The following DAB1 variants were observed in gnomAD, a reference collection of about 807,000 sequenced individuals.
The protein encoded by DAB1 is disabled homolog 1.
Under a neutral mutation model 64.6 loss-of-function variants are expected in DAB1, and 15 were observed. The observed-to-expected ratio is 0.23, with a 90% CI of 0.16 to 0.36. The LOEUF (loss-of-function observed/expected upper bound fraction) is 0.36, where lower values mean the gene tolerates loss of function less well. DAB1 is among the 10% of genes least tolerant of loss of function. DAB1 has a pLI of 1.00. For missense variants in DAB1, 596 were observed against 706.7 expected, an observed-to-expected ratio of 0.84 and a Z score of 1.78; for synonymous variants, 235 against 251.9, an observed-to-expected ratio of 0.93 and a Z score of 0.64.
intron 5 of DAB1, among the ~76,000 whole-genome samples, chr1:57,904,716 C>G (rs997322526): frequency 2.0e-5 from 3 of 152,000 alleles, no homozygotes; most frequent in African/African-American, 4.8e-5. Context: ...GGCAGAGCCC[C>G]CAAAGGAAGC....
intron 5 of DAB1, among the ~76,000 whole-genome samples, chr1:57,990,522 A>G (rs2100372607): frequency 6.6e-6 from 1 of 152,340 alleles, no homozygotes; most frequent in Middle Eastern, 3.4e-3. Flanking sequence ...CAGAGAGGTT[A>G]ATCCACCCAC....
chr1:57,327,705 A>G (rs71642111), intron 1 of DAB1, among the ~76,000 whole-genome samples: 10,737 of 152,226 alleles, frequency 0.071, 866 homozygotes, highest in African/African-American at 0.2. Flanking sequence ...GCTTGCCAGG[A>G]AACTTAACCA....
chr1:57,640,082 C>A (rs1396929761), intron 7 of DAB1, among the ~76,000 whole-genome samples: 1 of 152,100 alleles, frequency 6.6e-6, no homozygotes, highest in African/African-American at 2.4e-5. Context: ...AGGCTGTGGG[C>A]AGAAGATGAT....
At chr1:57,642,935 T>A (rs1467302452) in intron 7 of DAB1, among the ~76,000 whole-genome samples, 1 of 152,230 alleles carries the variant, frequency 6.6e-6, no homozygotes, top group Admixed American at 6.5e-5. Flanking sequence ...CTTGAGCACC[T>A]ACCATGTGCC....
chr1:57,397,494 G>A (rs992441156), intron 1 of DAB1, among the ~76,000 whole-genome samples: 3 of 151,858 alleles, frequency 2.0e-5, no homozygotes, highest in South Asian at 2.1e-4. Flanking sequence ...CCCATTCCAC[G>A]AACATTTACC....
intron 4 of DAB1, among the ~76,000 whole-genome samples, chr1:57,076,646 A>G (rs1173011457): frequency 1.3e-5 from 2 of 152,180 alleles, no homozygotes; most frequent in Non-Finnish European, 2.9e-5. Context: ...TATTGCTCAC[A>G]TGGTTTTCTC....
At chr1:57,911,438 C>A (rs1644642505) in intron 5 of DAB1, among the ~76,000 whole-genome samples, 1 of 152,202 alleles carries the variant, frequency 6.6e-6, no homozygotes, top group South Asian at 2.1e-4. Context: ...TTCACAGTGT[C>A]CTTCCAGCAG....
chr1:57,477,515 A>T (rs1046861198), intron 7 of DAB1, among the ~76,000 whole-genome samples: 9 of 152,180 alleles, frequency 5.9e-5, no homozygotes, highest in African/African-American at 2.2e-4. Flanking sequence ...TACGTAGCTG[A>T]AATGCAGTCA....
intron 1 of DAB1, among the ~76,000 whole-genome samples, chr1:57,394,125 A>G (rs1474439997): frequency 6.6e-6 from 1 of 152,216 alleles, no homozygotes; most frequent in Non-Finnish European, 1.5e-5. Context: ...GAAAGAACAA[A>G]GTTGAGGCCA....
chr1:58,302,778 GTAAA>G (rs2100464616), intron 4 of DAB1, among the ~76,000 whole-genome samples: 1 of 152,188 alleles, frequency 6.6e-6, no homozygotes, highest in South Asian at 2.1e-4. Flanking sequence ...AGTGACAAGA[GTAAA>G]TAATCAATAA....
At chr1:57,662,142 C>T (rs1646394069) in intron 6 of DAB1, among the ~76,000 whole-genome samples, 1 of 152,100 alleles carries the variant, frequency 6.6e-6, no homozygotes, top group Non-Finnish European at 1.5e-5. Flanking sequence ...AAAAATAGCT[C>T]TATTAGCTAC....
At chr1:58,300,544 A>AAAAAGAAAGAAAG (rs1359971427) in intron 4 of DAB1, among the ~76,000 whole-genome samples, 16 of 101,182 alleles carry the variant, frequency 1.6e-4, no homozygotes, top group Non-Finnish European at 2.3e-4. Context: ...TGAAACTCTG[A>AAAAAGAAAGAAAG]AAAGAAAGAA....
chr1:57,790,644 C>T (rs1189605209), intron 6 of DAB1, among the ~76,000 whole-genome samples: 1 of 152,100 alleles, frequency 6.6e-6, no homozygotes, highest in African/African-American at 2.4e-5. Context: ...GCAGGTATGA[C>T]ATCTGGTATC....
At chr1:57,630,178 C>A (rs1288146236) in intron 7 of DAB1, among the ~76,000 whole-genome samples, 6 of 152,120 alleles carry the variant, frequency 3.9e-5, no homozygotes, top group Non-Finnish European at 8.8e-5. Context: ...TGCAGGGCAA[C>A]AAACAGCCAA....
chr1:57,651,080 G>A (rs1646250489), intron 6 of DAB1, among the ~76,000 whole-genome samples: 1 of 151,876 alleles, frequency 6.6e-6, no homozygotes, highest in South Asian at 2.1e-4. Flanking sequence ...AAAAAGTGAT[G>A]TTCCATTTGG....
At chr1:58,446,023 T>C (rs886834855) in intron 3 of DAB1, among the ~76,000 whole-genome samples, 2 of 152,152 alleles carry the variant, frequency 1.3e-5, no homozygotes, top group Admixed American at 6.5e-5. Flanking sequence ...GAACTGAAAG[T>C]CACCCATCAC....
intron 6 of DAB1, among the ~76,000 whole-genome samples, chr1:57,673,231 T>C (rs1646528615): frequency 6.6e-6 from 1 of 152,066 alleles, no homozygotes; most frequent in Non-Finnish European, 1.5e-5. Flanking sequence ...TTTATAAAGG[T>C]ACTAATCATA....
At chr1:58,490,517 T>C (rs1321085759) in intron 3 of DAB1, among the ~76,000 whole-genome samples, 4 of 152,196 alleles carry the variant, frequency 2.6e-5, no homozygotes, top group Non-Finnish European at 5.9e-5. Context: ...GAAAACACTC[T>C]GCAGGATATT....
At chr1:58,155,605 G>A (rs1020716319) in intron 4 of DAB1, among the ~76,000 whole-genome samples, 14 of 152,162 alleles carry the variant, frequency 9.2e-5, no homozygotes, top group Admixed American at 5.9e-4. Flanking sequence ...TCATCACAAA[G>A]TTAAGAACAA....
Sources: allele counts gnomAD v4.1 joint callset (sites outside exome capture counted in the v4.1 genomes callset), GRCh38; gene constraint gnomAD v4.1.1; transcripts MANE v1.5; gene names NCBI Gene and HGNC (gene_info 2026-07-23, HGNC 2026-07-21).